The following AFF2 variants were observed in gnomAD, a reference collection of about 807,000 sequenced individuals.
The protein encoded by AFF2 is ALF transcription elongation factor 2.
AFF2 carries 14 observed loss-of-function variants against 76.9 expected under a neutral mutation model. The observed-to-expected ratio is 0.18, with a 90% CI of 0.12 to 0.28. The LOEUF (loss-of-function observed/expected upper bound fraction) is 0.28. Among genes scored for constraint, AFF2 ranks in the 10% least tolerant of loss-of-function variants. The pLI, the probability that AFF2 is intolerant of heterozygous loss-of-function variation, is 1.00. For missense variants in AFF2, 868 were observed against 1,001.1 expected (o/e 0.87, Z 1.79); for synonymous variants, 398 against 366.7 (o/e 1.09, Z -0.98).
intron 3 of AFF2, among the ~76,000 whole-genome samples, chrX:148,809,047 T>C (rs1557271561): frequency 2.7e-5 from 3 of 111,088 alleles, no homozygotes; most frequent in Non-Finnish European, 5.7e-5. Flanking sequence ...TGTGATCGGA[T>C]TGCAATCCTG....
In AFF2 at chrX:148,638,860, C is replaced by T. The variant is rs1392880932; in HGVS notation, c.48-13139C>T. On this transcript the variant is annotated intron_variant, in intron 1 of 20. Transcript: ENST00000370460. ...TTTTTGTCAAATATCCAAACTATAT[C>T]ACCCAAAGAAAGCTACTCTCTAAAA... Among the ~76,000 whole-genome samples, 3 of 111,796 alleles carry T rather than the reference C, an allele frequency of 2.7e-5. No individual in the cohort carries two copies. The Admixed American group carries it at 2.8e-4, about 11-fold the overall frequency.
intron 1 of AFF2, among the ~76,000 whole-genome samples, chrX:148,509,486 G>A (rs2052459287): frequency 8.9e-6 from 1 of 111,918 alleles, no homozygotes; most frequent in African/African-American, 3.2e-5. Context: ...CATTTGCTGA[G>A]GGACAACCAC....
At chrX:148,518,059 A>T (rs1235986069) in intron 1 of AFF2, among the ~76,000 whole-genome samples, 6 of 111,098 alleles carry the variant, frequency 5.4e-5, no homozygotes, top group Non-Finnish European at 1.1e-4. Flanking sequence ...TTTGTCAAAT[A>T]CTATTGTCAC....
At chrX:148,881,343 G>A (rs1237557969) in intron 7 of AFF2, among the ~76,000 whole-genome samples, 1 of 111,420 alleles carries the variant, frequency 9.0e-6, no homozygotes, top group Non-Finnish European at 1.9e-5. Context: ...CTAAAGACAC[G>A]GTGCTCAAGG....
chrX:148,632,569 C>T (rs1007148542), intron 1 of AFF2, among the ~76,000 whole-genome samples: 4 of 111,178 alleles, frequency 3.6e-5, no homozygotes, highest in Admixed American at 9.6e-5. Context: ...GTACTCTCGC[C>T]GATCATTGAT....
At chrX:148,968,610 G>C (rs782681238) in intron 15 of AFF2, among the ~76,000 whole-genome samples, 52 of 112,245 alleles carry the variant, frequency 4.6e-4, no homozygotes, top group African/African-American at 1.6e-3. Context: ...TTGATACTGG[G>C]AATGCTGTGA....
chrX:148,584,803 T>C (rs782221010), intron 1 of AFF2, among the ~76,000 whole-genome samples: 2 of 110,910 alleles, frequency 1.8e-5, no homozygotes, highest in Admixed American at 1.9e-4. Context: ...CCTCCCATTG[T>C]GCTGGGATTA....
At chrX:148,930,906 TC>T in intron 9 of AFF2, among the ~76,000 whole-genome samples, 4 of 112,068 alleles carry the variant, frequency 3.6e-5, no homozygotes, top group Non-Finnish European at 7.5e-5. Context: ...TGGGTTTCAT[TC>T]ATTTCATCAA....
intron 12 of AFF2, among the ~76,000 whole-genome samples, chrX:148,960,999 A>G (rs1375939881): frequency 8.9e-6 from 1 of 112,170 alleles, no homozygotes; most frequent in African/African-American, 3.2e-5. Context: ...GTGGTTCCAG[A>G]TCATGACCAG....
chrX:148,546,247 C>T (rs7061214), intron 1 of AFF2, among the ~76,000 whole-genome samples: 1,449 of 111,576 alleles, frequency 0.013, 31 homozygotes, highest in African/African-American at 0.043. Context: ...AGAAATGGAA[C>T]TGGTAGGGGA....
chrX:148,941,242 T>G (rs1490446881), intron 9 of AFF2, among the ~76,000 whole-genome samples: 1 of 111,756 alleles, frequency 8.9e-6, no homozygotes, highest in African/African-American at 3.3e-5. Flanking sequence ...TGTGAGTGTG[T>G]CATAATTAGC....
chrX:148,866,423 C>CTATAGTTA (rs1195449268), intron 7 of AFF2, among the ~76,000 whole-genome samples: 4 of 112,349 alleles, frequency 3.6e-5, no homozygotes, highest in Non-Finnish European at 7.5e-5. Context: ...TAGATGTTAA[C>CTATAGTTA]ACTAGTAGCG....
intron 1 of AFF2, among the ~76,000 whole-genome samples, chrX:148,513,639 T>A (rs782051431): frequency 4.7e-4 from 53 of 112,097 alleles, no homozygotes; most frequent in Non-Finnish European, 8.4e-4. Flanking sequence ...GGACATCATG[T>A]AACTCTTAGA....
At chrX:148,588,562 A>G (rs2053492135) in intron 1 of AFF2, among the ~76,000 whole-genome samples, 1 of 112,820 alleles carries the variant, frequency 8.9e-6, no homozygotes. Flanking sequence ...CAAAGCAATC[A>G]TTCCTGTTCA....
intron 2 of AFF2, among the ~76,000 whole-genome samples, chrX:148,652,625 A>T (rs2054213374): frequency 8.9e-6 from 1 of 112,017 alleles, no homozygotes; most frequent in Admixed American, 9.5e-5. Context: ...GAAAAAAGCC[A>T]ATCATTTTTC....
chrX:148,609,544 T>A (rs782209663), intron 1 of AFF2, among the ~76,000 whole-genome samples: 1 of 112,021 alleles, frequency 8.9e-6, no homozygotes, highest in East Asian at 2.8e-4. Context: ...TTCTTAGCTT[T>A]TGATCTGAAA....
intron 1 of AFF2, among the ~76,000 whole-genome samples, chrX:148,585,614 C>T (rs1293161861): frequency 5.5e-5 from 6 of 109,703 alleles, no homozygotes; most frequent in African/African-American, 1.3e-4. Context: ...CCGAGGCGGG[C>T]GGATCACGAG....
At chrX:148,877,744 C>T (rs1244130474) in intron 7 of AFF2, among the ~76,000 whole-genome samples, 2 of 111,921 alleles carry the variant, frequency 1.8e-5, no homozygotes, top group African/African-American at 6.5e-5. Flanking sequence ...TCACATAGGA[C>T]TAAGAATTGG....
chrX:148,528,155 A>G (rs1167837995), intron 1 of AFF2, among the ~76,000 whole-genome samples: 2 of 111,977 alleles, frequency 1.8e-5, no homozygotes, highest in Non-Finnish European at 1.9e-5. Context: ...AATTCACTTT[A>G]CTTTTTAAAT....
Sources: gnomAD v4.1 joint callset for allele counts (sites outside exome capture counted in the v4.1 genomes callset) on GRCh38, gnomAD v4.1.1 for gene constraint, MANE v1.5 for transcripts, NCBI Gene and HGNC (gene_info 2026-07-23, HGNC 2026-07-21) for gene names.